Variants in HMGB1 observed in about 807,000 individuals in gnomAD.
The protein encoded by HMGB1 is high mobility group box 1.
For synonymous variants in HMGB1, 81 were observed against 84.0 expected, an observed-to-expected ratio of 0.96 and a Z score of 0.19; for missense variants, 79 against 253.5, an observed-to-expected ratio of 0.31 and a Z score of 4.67.
intron 1 of HMGB1, among the ~76,000 whole-genome samples, chr13:30,471,947 C>T (rs965839266): frequency 3.3e-5 from 5 of 150,690 alleles, no homozygotes; most frequent in Non-Finnish European, 7.4e-5. Flanking sequence ...GGATTACAGG[C>T]GTGAGCCACC....
At chr13:30,603,825 G>A (rs778955657) in intron 1 of HMGB1, among the ~76,000 whole-genome samples, 10 of 152,046 alleles carry the variant, frequency 6.6e-5, no homozygotes, top group African/African-American at 2.4e-4. Flanking sequence ...AAAATACTAC[G>A]TAAATAGTTG....
At chr13:30,573,705 C>T (rs1201327343) in intron 1 of HMGB1, among the ~76,000 whole-genome samples, 1 of 149,428 alleles carries the variant, frequency 6.7e-6, no homozygotes, top group Non-Finnish European at 1.5e-5. Flanking sequence ...GGTGGGAGTG[C>T]AATGGCACGA....
At chr13:30,537,388 C>G (rs1868487867) in intron 1 of HMGB1, among the ~76,000 whole-genome samples, 1 of 151,738 alleles carries the variant, frequency 6.6e-6, no homozygotes, top group Non-Finnish European at 1.5e-5. Flanking sequence ...ACAAAATGAA[C>G]AAACATTTTG....
intron 1 of HMGB1, among the ~76,000 whole-genome samples, chr13:30,515,686 TAAA>T (rs537265855): frequency 8.7e-6 from 1 of 114,300 alleles, no homozygotes. Context: ...ATTGAATTGC[TAAA>T]AAAAAAAAAA....
chr13:30,607,277 CTG>C (rs1447353113), intron 1 of HMGB1, among the ~76,000 whole-genome samples: 2 of 152,236 alleles, frequency 1.3e-5, no homozygotes, highest in East Asian at 3.8e-4. Context: ...TGGTTTGGCT[CTG>C]TGTCTCCACC....
At chr13:30,462,431 T>C (rs769681654) in intron 4 of HMGB1, 107 bp downstream of exon 4, 5 of 877,236 alleles carry the variant, frequency 5.7e-6, no homozygotes, top group South Asian at 1.3e-5. Flanking sequence ...ATCAACACCA[T>C]ACTTAATGTA....
At chr13:30,537,651 TCA>T (rs1491555674) in intron 1 of HMGB1, among the ~76,000 whole-genome samples, 1 of 69,250 alleles carries the variant, frequency 1.4e-5, no homozygotes, top group East Asian at 4.2e-4. Flanking sequence ...TCATTCTTGT[TCA>T]TATATATATA....
intron 1 of HMGB1, among the ~76,000 whole-genome samples, chr13:30,474,222 T>A (rs1424953325): frequency 6.6e-6 from 1 of 152,210 alleles, no homozygotes. Context: ...AGCTATTTTT[T>A]AAAAAGCAAT....
intron 1 of HMGB1, among the ~76,000 whole-genome samples, chr13:30,583,714 C>T (rs901920095): frequency 4.0e-5 from 6 of 151,014 alleles, no homozygotes; most frequent in Admixed American, 3.3e-4. Context: ...TGGCATGCAC[C>T]TGTAGTCTCA....
At chr13:30,525,718 TAA>T (rs61016729) in intron 1 of HMGB1, among the ~76,000 whole-genome samples, 25 of 150,510 alleles carry the variant, frequency 1.7e-4, no homozygotes, top group Admixed American at 7.3e-4. Flanking sequence ...ATTATTAACA[TAA>T]AAAAAAAAAC....
rs559661126 is a variant in HMGB1, at chr13:30,571,295, T to G, written c.-15+45376A>C. Among the ~76,000 whole-genome samples the G allele has an allele frequency of 2.0e-4, 30 of 150,942 alleles. 1 individual carries two copies. In the South Asian group the frequency reaches 4.6e-3, roughly 23 times the overall value. On this transcript the variant is annotated intron_variant, in intron 1 of 4. Coordinates refer to the HMGB1 transcript ENST00000405805. ...TTCCAGGATTAGCAAAAAAATGGTT[T>G]TTTTTTTTTTTTTTTCCGAGATGGA... is the stretch of plus-strand genomic sequence containing the variant.
chr13:30,462,513 T>C (rs761587427), intron 4 of HMGB1, 25 bp downstream of exon 4: 5 of 1,593,732 alleles, frequency 3.1e-6, no homozygotes, highest in Non-Finnish European at 4.3e-6. Flanking sequence ...GTCATCATTT[T>C]ACCAAGCAAA....
At chr13:30,593,213 T>G (rs762406694) in intron 1 of HMGB1, among the ~76,000 whole-genome samples, 3 of 152,158 alleles carry the variant, frequency 2.0e-5, no homozygotes, top group Non-Finnish European at 4.4e-5. Flanking sequence ...CCCCCTCCAG[T>G]GCAGTTACAG....
chr13:30,464,842 G>C (rs1413104161), intron 1 of HMGB1: 1 of 155,598 alleles, frequency 6.4e-6, no homozygotes, highest in Admixed American at 6.8e-5. Context: ...GGCGGGCGGG[G>C]TGCGAGCCGC....
In HMGB1 at chr13:30,462,373, A is replaced by T. The variant is rs939353428; in HGVS notation, c.471+165T>A. On this transcript the variant is annotated intron_variant, in intron 4 of 4. Coordinates refer to ENST00000341423, the MANE Select transcript of HMGB1 (RefSeq NM_002128.7). Reference sequence around the variant, plus strand: ...GTCTGATTACATTTTAGTCAAAAAAACCCTAATTTATTTGGTCCTCTGCAT... The same window carrying T: ...GTCTGATTACATTTTAGTCAAAAAATCCCTAATTTATTTGGTCCTCTGCAT... 2.0e-5 allele frequency: 15 copies of T among 738,110 alleles called. No homozygotes were observed. In the African/African-American group the frequency reaches 2.6e-4, roughly 13 times the overall value. The allele number at this position is 738,110 out of a possible 1,614,324, so 45.7% of individuals were successfully genotyped here. A position where few individuals can be genotyped will look rare whatever the true frequency, so the allele number is the denominator to read the frequency against.
At position 30,505,470 on chromosome 13, in the gene HMGB1, G is replaced by A. The variant is rs563824094; in HGVS notation, c.-14-41776C>T. 8.4e-4 allele frequency among the ~76,000 whole-genome samples: 127 copies of A among 151,988 alleles called. 1 individual carries two copies. Among genetic ancestry groups the A allele is most frequent in the Non-Finnish European group, 9.1e-4 (62 of 67,970 alleles). The stretch of plus-strand genomic sequence containing the variant: ...TGGGATTACAGGTGTAAGCCACCGC[G>A]CCCAACCATTTTTATATTTTTAATA... On this transcript the variant is annotated intron_variant, in intron 1 of 4. Transcript: ENST00000405805.
chr13:30,486,307 G>C lies in HMGB1; in HGVS notation c.-14-22613C>G, dbSNP rs76021864. On this transcript the variant is annotated intron_variant, in intron 1 of 4. Transcript: ENST00000405805. ...ATGGTCCCACATGGGCAGTGCACTG[G>C]CTGGTTCACTTTGCTGCATTCCCTT... Among the ~76,000 whole-genome samples, 230 of 152,302 alleles carry C rather than the reference G, an allele frequency of 1.5e-3. 1 individual carries two copies. Among genetic ancestry groups the C allele is most frequent in the African/African-American group, 5.4e-3 (223 of 41,568 alleles).
intron 1 of HMGB1, among the ~76,000 whole-genome samples, chr13:30,538,154 T>C (rs575790514): frequency 2.4e-4 from 36 of 152,218 alleles, no homozygotes; most frequent in Non-Finnish European, 4.3e-4. Flanking sequence ...GAAAGCGTCT[T>C]ACAGGACGTT....
At chr13:30,563,685 G>A (rs1276130347) in intron 1 of HMGB1, among the ~76,000 whole-genome samples, 2 of 152,160 alleles carry the variant, frequency 1.3e-5, no homozygotes, top group Non-Finnish European at 2.9e-5. Context: ...GCACTTCAAA[G>A]GCTAGCACAA....
Sources: gnomAD v4.1 joint callset for allele counts (sites outside exome capture counted in the v4.1 genomes callset) on GRCh38, gnomAD v4.1.1 for gene constraint, MANE v1.5 for transcripts, NCBI Gene and HGNC (gene_info 2026-07-23, HGNC 2026-07-21) for gene names.